The following AKAP12 variants were observed in gnomAD, a reference collection of about 807,000 sequenced individuals.
AKAP12 encodes the protein A-kinase anchoring protein 12, also known as A-kinase anchor protein 12.
In AKAP12, 32 loss-of-function variants were observed where a neutral mutation model predicts 79.9. That is an observed-to-expected ratio of 0.40 (90% CI 0.30 to 0.54). The LOEUF (loss-of-function observed/expected upper bound fraction) is 0.54. Ranked by LOEUF, AKAP12 falls within the 20% of genes least tolerant of loss-of-function variation. The pLI is 0.48. For synonymous variants in AKAP12, 808 were observed against 857.0 expected, an observed-to-expected ratio of 0.94 and a Z score of 1.00; for missense variants, 2,074 against 2,177.0, an observed-to-expected ratio of 0.95 and a Z score of 0.94.
intron 3 of AKAP12, among the ~76,000 whole-genome samples, chr6:151,319,155 T>A (rs1441834370): frequency 1.3e-5 from 2 of 152,210 alleles, no homozygotes; most frequent in African/African-American, 4.8e-5. Context: ...TTTAAAATTC[T>A]CTTTTAGTGT....
intron 3 of AKAP12, chr6:151,341,788 T>G (rs1456517676): frequency 1.6e-6 from 2 of 1,286,000 alleles, no homozygotes; most frequent in Admixed American, 2.3e-5. Flanking sequence ...CCGAGATGGG[T>G]GTGTGTGGGT....
chr6:151,301,141 G>T (rs1776856366), intron 2 of AKAP12, among the ~76,000 whole-genome samples: 1 of 152,136 alleles, frequency 6.6e-6, no homozygotes, highest in Non-Finnish European at 1.5e-5. Flanking sequence ...AATCCCATCT[G>T]GTTCCACCGC....
At position 151,291,296 on chromosome 6, in the gene AKAP12, G is replaced by C. The variant is rs576723608; in HGVS notation, c.163-14451G>C. On this transcript the variant is annotated intron_variant, in intron 2 of 4. Coordinates refer to ENST00000402676, the MANE Select transcript of AKAP12 (RefSeq NM_005100.4). ...AAAAGTATTACCCCTCGTTCTATAGGCTCAGAGGGTGAGAAATTTGCCCAC... is the reference window on the plus strand; with the variant it reads ...AAAAGTATTACCCCTCGTTCTATAGCCTCAGAGGGTGAGAAATTTGCCCAC... Among the ~76,000 whole-genome samples, 148 of 152,280 alleles carry C rather than the reference G, an allele frequency of 9.7e-4. 3 individuals are homozygous for C. The South Asian group carries it at 0.029, about 30-fold the overall frequency.
At chr6:151,301,821 C>T (rs550030179) in intron 2 of AKAP12, among the ~76,000 whole-genome samples, 11 of 152,138 alleles carry the variant, frequency 7.2e-5, no homozygotes, top group South Asian at 6.2e-4. Context: ...CGTTTTCTAC[C>T]GAAGTTAATA....
At chr6:151,245,592 C>T (rs1182049649) in intron 2 of AKAP12, among the ~76,000 whole-genome samples, 1 of 136,786 alleles carries the variant, frequency 7.3e-6, no homozygotes, top group Non-Finnish European at 1.5e-5. Context: ...TTGCAGGGAG[C>T]CGAGATGGCA....
At chr6:151,344,986 A>G in intron 3 of AKAP12, among the ~76,000 whole-genome samples, 1 of 152,210 alleles carries the variant, frequency 6.6e-6, no homozygotes, top group Non-Finnish European at 1.5e-5. Flanking sequence ...GAAGGAATGT[A>G]TGGATTTGGG....
rs1778251462 is a variant in AKAP12, at chr6:151,350,423, T to C, written c.2032T>C (p.Ser678Pro). 6.2e-7 allele frequency: 1 copy of C among 1,613,630 alleles called. No individual in the cohort carries two copies. The highest frequency in any genetic ancestry group is 8.5e-7 in the Non-Finnish European group (1 of 1,179,990). ...AAAGCGCAAGGTGGATACCTCAGTA[T>C]CTTGGGAAGCTTTAATTTGTGTGGG... ...EPKRKVDTSVSWEALICVGSS... is the reference protein window; with the variant it reads ...EPKRKVDTSVPWEALICVGSS... Residue 678 changes from serine (S) to proline (P), a missense_variant, in exon 4 of 5, where the codon TCT (serine) becomes CCT (proline). Transcript: ENST00000402676. This position sits in a 1 kb window ranked among gnomAD's most constrained non-coding sequence, Gnocchi z 4.8.
chr6:151,309,295 T>G lies in AKAP12; in HGVS notation c.319+3392T>G, dbSNP rs2294795. ...CTGACCTGTAGGATTTGGGACACCTTTGTTTCTACCACTGTCCACTTAAAT... is the reference window on the plus strand; with the variant it reads ...CTGACCTGTAGGATTTGGGACACCTGTGTTTCTACCACTGTCCACTTAAAT... On this transcript the variant is annotated intron_variant, in intron 3 of 4. Transcript: ENST00000402676. Among the ~76,000 whole-genome samples the G allele has an allele frequency of 3.3e-4, 51 of 152,308 alleles. 1 individual carries two copies. In the East Asian group the frequency reaches 9.8e-3, roughly 29 times the overall value.
intron 3 of AKAP12, among the ~76,000 whole-genome samples, chr6:151,326,589 T>C (rs1433038319): frequency 1.3e-5 from 2 of 152,156 alleles, no homozygotes; most frequent in Non-Finnish European, 2.9e-5. Flanking sequence ...TACTGCCTAC[T>C]TCTAGCAAAT....
rs748528417 is a variant in AKAP12 at position 151,350,730 on chromosome 6, G to C, written c.2339G>C (p.Ser780Thr). ...KKSKSKLEEK[S>T]EDSIAGSGVE... ...TCAAAGTCCAAGCTGGAAGAGAAAAGCGAAGACTCCATAGCTGGGTCTGGT... is the reference window on the plus strand; with the variant it reads ...TCAAAGTCCAAGCTGGAAGAGAAAACCGAAGACTCCATAGCTGGGTCTGGT... The change falls in exon 4 of 5, where the codon AGC becomes ACC. Residue 780 changes from serine to threonine, a missense_variant. By Grantham distance (58) the Ser-to-Thr change is moderately conservative. Coordinates refer to ENST00000402676, the MANE Select transcript of AKAP12 (RefSeq NM_005100.4). This position sits in a 1 kb window ranked among gnomAD's most constrained non-coding sequence, Gnocchi z 4.8. The C allele has an allele frequency of 3.7e-6, 6 of 1,613,880 alleles. No individual in the cohort carries two copies. Among genetic ancestry groups the C allele is most frequent in the Non-Finnish European group, 5.1e-6 (6 of 1,180,008 alleles).
At chr6:151,257,543 C>T (rs1582837066) in intron 2 of AKAP12, among the ~76,000 whole-genome samples, 1 of 152,278 alleles carries the variant, frequency 6.6e-6, no homozygotes, top group East Asian at 1.9e-4. Context: ...GCGATCCACC[C>T]ACCCCAGCTT....
intron 3 of AKAP12, chr6:151,343,909 TTTC>T: frequency 2.3e-6 from 1 of 438,208 alleles, no homozygotes; most frequent in South Asian, 1.7e-5. Context: ...CTTAAAGCAT[TTTC>T]TTATTTCAGA....
intron 2 of AKAP12, among the ~76,000 whole-genome samples, chr6:151,278,503 A>T (rs985739127): frequency 2.0e-5 from 3 of 152,196 alleles, no homozygotes; most frequent in African/African-American, 7.2e-5. Context: ...GGCTTGAGCC[A>T]CCGCACCTGG....
At chr6:151,337,330 A>C (rs1378003620) in intron 3 of AKAP12, among the ~76,000 whole-genome samples, 10 of 151,764 alleles carry the variant, frequency 6.6e-5, no homozygotes, top group Admixed American at 6.6e-4. Flanking sequence ...TTTAGTAGAG[A>C]TGTGGAAACC....
chr6:151,356,478 A>G lies in AKAP12; in HGVS notation c.*764A>G, dbSNP rs548464166. 3.3e-5 allele frequency: 5 copies of G among 152,236 alleles called. No homozygotes were observed. Among genetic ancestry groups the G allele is most frequent in the Middle Eastern group, 3.4e-3 (1 of 294 alleles). The allele number at this position is 152,236 out of a possible 1,614,324, so 9.4% of individuals were successfully genotyped here. ...AAATTAACTTTACATCCTTTTTCCT[A>G]CTTGTTATGGTTGTTTGGACCGATA... On this transcript the variant is annotated 3_prime_UTR_variant, in exon 5 of 5. Transcript: ENST00000402676.
intron 2 of AKAP12, among the ~76,000 whole-genome samples, chr6:151,244,623 A>T (rs1202607254): frequency 6.6e-6 from 1 of 152,244 alleles, no homozygotes; most frequent in Non-Finnish European, 1.5e-5. Flanking sequence ...CCACTTGTTT[A>T]GCAATGGAAA....
chr6:151,346,325 C>G (rs951183382), intron 3 of AKAP12, among the ~76,000 whole-genome samples: 1 of 152,176 alleles, frequency 6.6e-6, no homozygotes, highest in South Asian at 2.1e-4. Flanking sequence ...CTTATATACA[C>G]TTGACCTATT....
chr6:151,267,570 G>C (rs1776075588), intron 2 of AKAP12, among the ~76,000 whole-genome samples: 1 of 152,104 alleles, frequency 6.6e-6, no homozygotes, highest in African/African-American at 2.4e-5. Flanking sequence ...GTGTGGAGTA[G>C]GGCTATTGGG....
intron 3 of AKAP12, among the ~76,000 whole-genome samples, chr6:151,344,134 T>C (rs762917697): frequency 2.0e-5 from 3 of 152,220 alleles, no homozygotes; most frequent in Non-Finnish European, 2.9e-5. Flanking sequence ...GGAATGCGCC[T>C]CAGATCAAAA....
Sources: allele counts gnomAD v4.1 joint callset (sites outside exome capture counted in the v4.1 genomes callset), GRCh38; gene constraint gnomAD v4.1.1; non-coding constraint Gnocchi (gnomAD v3.1); transcripts MANE v1.5; gene names NCBI Gene and HGNC (gene_info 2026-07-23, HGNC 2026-07-21).